Variants in KPNA1 observed in about 807,000 individuals in gnomAD.
The protein encoded by KPNA1 is importin subunit alpha-5.
Under a neutral mutation model 70.5 loss-of-function variants are expected in KPNA1, and 10 were observed. The ratio of observed to expected loss-of-function variants is 0.14; its 90% CI spans 0.09 to 0.24. The LOEUF (loss-of-function observed/expected upper bound fraction) is 0.24, where lower values mean the gene tolerates loss of function less well. KPNA1 is among the 10% of genes least tolerant of loss of function. The pLI, the probability that KPNA1 is intolerant of heterozygous loss-of-function variation, is 1.00. For missense variants in KPNA1, 397 were observed against 637.9 expected, an observed-to-expected ratio of 0.62 and a Z score of 4.07; for synonymous variants, 192 against 221.9, an observed-to-expected ratio of 0.87 and a Z score of 1.20.
intron 8 of KPNA1, among the ~76,000 whole-genome samples, chr3:122,451,252 G>A (rs2076199662): frequency 6.6e-6 from 1 of 152,018 alleles, no homozygotes; most frequent in Admixed American, 6.6e-5. Flanking sequence ...TATACTAATT[G>A]TATGAAGCCT....
chr3:122,430,558 ACTGT>A, intron 12 of KPNA1, among the ~76,000 whole-genome samples: 1 of 85,652 alleles, frequency 1.2e-5, no homozygotes, highest in South Asian at 3.8e-4. Flanking sequence ...TCTCAAATAA[ACTGT>A]GTGTGTGTGT....
intron 2 of KPNA1, among the ~76,000 whole-genome samples, chr3:122,481,781 A>T (rs531832425): frequency 6.6e-6 from 1 of 152,264 alleles, no homozygotes; most frequent in African/African-American, 2.4e-5. Flanking sequence ...GATAAATAAT[A>T]TATCAGAAAG....
chr3:122,493,877 G>A (rs1246163128), intron 2 of KPNA1, among the ~76,000 whole-genome samples: 3 of 152,048 alleles, frequency 2.0e-5, no homozygotes, highest in Non-Finnish European at 4.4e-5. Flanking sequence ...GAGCCACCCC[G>A]CCCAGCCTCA....
In KPNA1 at chr3:122,427,563, G is replaced by A. The variant is rs200616102; in HGVS notation, c.1404C>T (p.Tyr468=). 23 of 1,613,384 alleles carry A rather than the reference G, an allele frequency of 1.4e-5. No individual in the cohort carries two copies. Among genetic ancestry groups the A allele is most frequent in the Non-Finnish European group, 1.9e-5 (23 of 1,179,830 alleles). The change falls in exon 13 of 14, where the codon TAC becomes TAT. Residue 468 remains tyrosine, a synonymous_variant. Coordinates refer to ENST00000344337, the MANE Select transcript of KPNA1 (RefSeq NM_002264.4). ...CATAAGCTTCTTCAATCAAAGCACA[G>A]TAAGGGTTAATGCCAGTGCCATTCC... ...AKRNGTGINP[Y]CALIEEAYGL...
intron 2 of KPNA1, among the ~76,000 whole-genome samples, chr3:122,469,331 A>G (rs1230307985): frequency 6.6e-6 from 1 of 152,162 alleles, no homozygotes; most frequent in Non-Finnish European, 1.5e-5. Context: ...CGAGCAGGAG[A>G]CAAGATAAGG....
intron 10 of KPNA1, 89 bp downstream of exon 10, chr3:122,441,949 T>TA: frequency 1.0e-6 from 1 of 986,320 alleles, no homozygotes; most frequent in South Asian, 1.3e-5. Flanking sequence ...TCCCTAATAA[T>TA]ATGGAGTAAA....
chr3:122,455,219 G>A (rs1434519984), intron 5 of KPNA1, among the ~76,000 whole-genome samples: 4 of 152,162 alleles, frequency 2.6e-5, no homozygotes, highest in Non-Finnish European at 4.4e-5. Flanking sequence ...ATCAAATCAC[G>A]TTCAAAGCCA....
At chr3:122,431,297 C>T (rs975799699) in intron 12 of KPNA1, among the ~76,000 whole-genome samples, 1 of 152,120 alleles carries the variant, frequency 6.6e-6, no homozygotes, top group Non-Finnish European at 1.5e-5. Context: ...TCCCAAGTAG[C>T]TGGAACTACA....
chr3:122,478,958 G>A (rs1331070191), intron 2 of KPNA1, among the ~76,000 whole-genome samples: 1 of 141,212 alleles, frequency 7.1e-6, no homozygotes, highest in African/African-American at 2.6e-5. Context: ...CAGGGGAAAC[G>A]CTAGAGTTCC....
Position 122,426,992 on chromosome 3 carries a change from T to C in KPNA1, c.1610A>G (p.Gln537Arg). The C allele has an allele frequency of 6.2e-7, 1 of 1,613,974 alleles. No individual in the cohort carries two copies. Residue 537 changes from glutamine to arginine, a missense_variant, in exon 14 of 14, where the codon CAG becomes CGG. Coordinates refer to ENST00000344337, the MANE Select transcript of KPNA1 (RefSeq NM_002264.4). ...TGAAAGCAGAGTATTGCTTCAAAGC[T>C]GGAAACCTTCCATAGGAGCCTCACA... ...QQCEAPMEGF[Q>R]L
intron 2 of KPNA1, among the ~76,000 whole-genome samples, chr3:122,476,620 T>C (rs1355704643): frequency 2.0e-5 from 3 of 151,824 alleles, no homozygotes; most frequent in Non-Finnish European, 2.9e-5. Flanking sequence ...TAGTCATTTC[T>C]CAAAAAGAAG....
chr3:122,455,023 A>C (rs1186801244), intron 5 of KPNA1, among the ~76,000 whole-genome samples: 2 of 152,244 alleles, frequency 1.3e-5, no homozygotes, highest in African/African-American at 4.8e-5. Flanking sequence ...CTATTTAATA[A>C]AGCACATACA....
chr3:122,435,582 G>A (rs1194881813), intron 11 of KPNA1, among the ~76,000 whole-genome samples: 1 of 152,170 alleles, frequency 6.6e-6, no homozygotes, highest in East Asian at 1.9e-4. Context: ...AGAAGTCAGG[G>A]ACCCTGAATG....
At chr3:122,491,133 T>C (rs371407575) in intron 2 of KPNA1, among the ~76,000 whole-genome samples, 5 of 152,384 alleles carry the variant, frequency 3.3e-5, no homozygotes, top group South Asian at 2.1e-4. Flanking sequence ...TTCCTTCTTT[T>C]TGAGGATTTC....
intron 2 of KPNA1, among the ~76,000 whole-genome samples, chr3:122,481,572 G>A (rs190310464): frequency 1.7e-4 from 26 of 152,282 alleles, no homozygotes; most frequent in Non-Finnish European, 2.6e-4. Context: ...GTTTTTTAGC[G>A]GGTGACTAAA....
chr3:122,467,479 G>A, intron 2 of KPNA1, 50 bp from the exon 3 acceptor site: 1 of 1,167,278 alleles, frequency 8.6e-7, no homozygotes, highest in South Asian at 1.3e-5. Context: ...CTAACACAAG[G>A]GAGTTCAACA....
intron 11 of KPNA1, among the ~76,000 whole-genome samples, chr3:122,434,902 T>C (rs952172458): frequency 2.0e-5 from 3 of 152,212 alleles, no homozygotes; most frequent in East Asian, 1.9e-4. Flanking sequence ...ATGAATGCTA[T>C]AGATTGTTAT....
At chr3:122,513,513 A>G (rs1055130225) in intron 1 of KPNA1, among the ~76,000 whole-genome samples, 1 of 152,262 alleles carries the variant, frequency 6.6e-6, no homozygotes, top group African/African-American at 2.4e-5. Flanking sequence ...AAGCTAGTTA[A>G]GACAAAAACA....
At chr3:122,448,535 T>A (rs180703359) in intron 9 of KPNA1, among the ~76,000 whole-genome samples, 32 of 152,156 alleles carry the variant, frequency 2.1e-4, no homozygotes, top group African/African-American at 7.7e-4. Context: ...CAGGTGGGAA[T>A]TGAACAATGA....
Sources: gnomAD v4.1 joint callset for allele counts (sites outside exome capture counted in the v4.1 genomes callset) on GRCh38, gnomAD v4.1.1 for gene constraint, MANE v1.5 for transcripts, NCBI Gene and HGNC (gene_info 2026-07-23, HGNC 2026-07-21) for gene names.